B3GAT2: variants seen among roughly 807,000 people sequenced by gnomAD.
B3GAT2 encodes the protein galactosylgalactosylxylosylprotein 3-beta-glucuronosyltransferase 2.
B3GAT2 carries 26 observed loss-of-function variants against 27.8 expected under a neutral mutation model. The ratio of observed to expected loss-of-function variants is 0.93; its 90% confidence interval spans 0.68 to 1.30. The LOEUF is 1.30. B3GAT2 is among the 50% of genes most tolerant of loss of function. The pLI, the probability that B3GAT2 is intolerant of heterozygous loss-of-function variation, is 0.00. For synonymous variants in B3GAT2, 218 were observed against 195.1 expected (o/e 1.12, Z -0.98); for missense variants, 458 against 459.0 (o/e 1.00, Z 0.02).
chr6:70,945,236 G>A (rs1045451066), intron 1 of B3GAT2, among the ~76,000 whole-genome samples: 2 of 152,202 alleles, frequency 1.3e-5, no homozygotes, highest in African/African-American at 2.4e-5. Flanking sequence ...TGACTTTGAC[G>A]AGTTGAGAGA....
At chr6:70,933,700 C>T (rs758875537) in intron 1 of B3GAT2, among the ~76,000 whole-genome samples, 6 of 152,154 alleles carry the variant, frequency 3.9e-5, no homozygotes, top group Non-Finnish European at 4.4e-5. Context: ...ATGGACCATA[C>T]GTAAATCTGC....
At chr6:70,942,404 T>C (rs1765407621) in intron 1 of B3GAT2, among the ~76,000 whole-genome samples, 1 of 152,192 alleles carries the variant, frequency 6.6e-6, no homozygotes. Context: ...CCTTCAGGTC[T>C]CTGAGTATTC....
At position 70,956,681 on chromosome 6, in the gene B3GAT2, A is replaced by C. The variant is rs1338971010; in HGVS notation, c.-252T>G. 12 of 1,350,788 alleles carry C rather than the reference A, an allele frequency of 8.9e-6. No homozygotes were observed. The highest frequency in any genetic ancestry group is 1.1e-5 in the Non-Finnish European group (12 of 1,053,060). The allele number at this position is 1,350,788 out of a possible 1,614,324, so 83.7% of individuals were successfully genotyped here. ...CAGGGGCTGCCCCCGACTCCAGGTG[A>C]GCTGGCGGGAAGCGGGACTCGGTCC... On this transcript the variant is annotated 5_prime_UTR_variant, in exon 1 of 4. Transcript: ENST00000230053.
In B3GAT2 at chr6:70,859,998, G is replaced by T; in HGVS notation, c.*1665C>A. The stretch of plus-strand genomic sequence containing the variant: ...TTAAGTAAGTTGTGGTTAATCTTTG[G>T]GGAAACTGTATCTAGAAAGTAGATA... On this transcript the variant is annotated 3_prime_UTR_variant, in exon 4 of 4. Transcript: ENST00000230053. The T allele has an allele frequency of 6.2e-6, 3 of 484,214 alleles. No individual in the cohort carries two copies. Among genetic ancestry groups the T allele is most frequent in the Non-Finnish European group, 1.0e-5 (3 of 296,106 alleles). The allele number at this position is 484,214 out of a possible 1,614,324, so 30.0% of individuals were successfully genotyped here.
At chr6:70,887,583 C>T (rs866548143) in intron 2 of B3GAT2, among the ~76,000 whole-genome samples, 32 of 152,256 alleles carry the variant, frequency 2.1e-4, no homozygotes, top group East Asian at 1.9e-3. Context: ...CAGGATAGTC[C>T]GGCTTCTGCC....
chr6:70,901,734 T>C (rs529036707), intron 1 of B3GAT2, among the ~76,000 whole-genome samples: 1 of 152,324 alleles, frequency 6.6e-6, no homozygotes, highest in South Asian at 2.1e-4. Flanking sequence ...AACCAGCTGA[T>C]GCTGTCATGG....
intron 1 of B3GAT2, among the ~76,000 whole-genome samples, chr6:70,917,000 A>G (rs1235054835): frequency 6.6e-6 from 1 of 152,144 alleles, no homozygotes; most frequent in East Asian, 1.9e-4. Context: ...TGCCCCTGGT[A>G]GAATTTGGCT....
At chr6:70,865,823 T>C (rs1305256221) in intron 2 of B3GAT2, among the ~76,000 whole-genome samples, 1 of 152,060 alleles carries the variant, frequency 6.6e-6, no homozygotes, top group Admixed American at 6.6e-5. Context: ...TTTCCAGACA[T>C]TGGAAAAGAG....
intron 1 of B3GAT2, among the ~76,000 whole-genome samples, chr6:70,908,127 A>G (rs75522524): frequency 6.6e-6 from 1 of 152,200 alleles, no homozygotes; most frequent in Non-Finnish European, 1.5e-5. Flanking sequence ...CTTTAACCAC[A>G]GTATCAGGGA....
rs533765760 is a variant in B3GAT2 at position 70,947,749 on chromosome 6, G to C, written c.591+8090C>G. ...CATTTTATGAGGCCAGCATCATCCT[G>C]ATACCAAAGCCGGGCAGAGACACAG... On this transcript the variant is annotated intron_variant, in intron 1 of 3. Transcript: ENST00000230053. 7.0e-4 allele frequency among the ~76,000 whole-genome samples: 106 copies of C among 151,948 alleles called. 2 individuals carry two copies. Among genetic ancestry groups the C allele is most frequent in the African/African-American group, 2.1e-3 (88 of 41,446 alleles).
At chr6:70,871,215 T>G (rs887007060) in intron 2 of B3GAT2, among the ~76,000 whole-genome samples, 2 of 112,078 alleles carry the variant, frequency 1.8e-5, no homozygotes, top group East Asian at 3.6e-4. Context: ...TCTGTTTTTT[T>G]TTTTTTGTTT....
chr6:70,934,138 G>C (rs1038838159), intron 1 of B3GAT2, among the ~76,000 whole-genome samples: 3 of 152,194 alleles, frequency 2.0e-5, no homozygotes, highest in African/African-American at 7.2e-5. Context: ...CATCTTCCAA[G>C]TCCTTATACT....
chr6:70,897,857 C>T (rs1033068684), intron 1 of B3GAT2, among the ~76,000 whole-genome samples: 8 of 151,950 alleles, frequency 5.3e-5, no homozygotes. Flanking sequence ...ATTGTTCCAA[C>T]TATATCTAAT....
intron 1 of B3GAT2, among the ~76,000 whole-genome samples, chr6:70,952,220 C>T (rs1477215311): frequency 1.3e-5 from 2 of 152,162 alleles, no homozygotes; most frequent in Non-Finnish European, 2.9e-5. Flanking sequence ...TTTCCAGAAA[C>T]ATCTTCTAGA....
chr6:70,954,917 G>GC (rs1554218596), intron 1 of B3GAT2, among the ~76,000 whole-genome samples: 2 of 151,394 alleles, frequency 1.3e-5, no homozygotes, highest in Admixed American at 6.6e-5. Context: ...GGGGGCGGCG[G>GC]GGGGGGGCGG....
At chr6:70,946,914 A>G (rs1043421956) in intron 1 of B3GAT2, among the ~76,000 whole-genome samples, 1 of 152,208 alleles carries the variant, frequency 6.6e-6, no homozygotes, top group African/African-American at 2.4e-5. Flanking sequence ...ACTAGAACTC[A>G]GGATTAAGAA....
chr6:70,923,417 C>T (rs760118590), intron 1 of B3GAT2, among the ~76,000 whole-genome samples: 1 of 152,076 alleles, frequency 6.6e-6, no homozygotes, highest in Non-Finnish European at 1.5e-5. Context: ...CGGCTCACAC[C>T]CGTAATCCCT....
rs529091184 is a variant in B3GAT2 at position 70,860,847 on chromosome 6, T to C, written c.*816A>G. 9 of 395,604 alleles carry C rather than the reference T, an allele frequency of 2.3e-5. No individual in the cohort carries two copies. The Admixed American group carries it at 3.1e-4, about 14-fold the overall frequency. 24.5% of individuals were successfully genotyped at this position (395,604 alleles called of 1,614,324 possible). A position where few individuals can be genotyped will look rare whatever the true frequency, so the allele number is the denominator to read the frequency against. ...CATTCACTTCACTGTGCTGTTGTTA[T>C]GATGTGCTTAACAGGGAACGTGATT... On this transcript the variant is annotated 3_prime_UTR_variant, in exon 4 of 4. Transcript: ENST00000230053.
chr6:70,896,506 A>C (rs571791844), intron 1 of B3GAT2, among the ~76,000 whole-genome samples: 47 of 152,288 alleles, frequency 3.1e-4, no homozygotes, highest in African/African-American at 1.0e-3. Context: ...CAGCACCCCC[A>C]AAAATTTCCT....
Sources: gnomAD v4.1 joint callset for allele counts (sites outside exome capture counted in the v4.1 genomes callset) on GRCh38, gnomAD v4.1.1 for gene constraint, MANE v1.5 for transcripts, NCBI Gene and HGNC (gene_info 2026-07-23, HGNC 2026-07-21) for gene names.